Variants in SLC15A1 observed in about 807,000 individuals in gnomAD.
The protein encoded by SLC15A1 is solute carrier family 15 member 1, also known as Caco-2 oligopeptide transporter.
A neutral mutation model predicts 92.9 loss-of-function variants in SLC15A1; 83 were observed. That is an observed-to-expected ratio of 0.89 (90% CI 0.75 to 1.07). SLC15A1 has a LOEUF of 1.07. Among genes scored for constraint, SLC15A1 ranks in the 50% least tolerant of loss-of-function variants. The pLI is 0.00. For synonymous variants in SLC15A1, 322 were observed against 318.2 expected (o/e 1.01, Z -0.13); for missense variants, 857 against 880.1 (o/e 0.97, Z 0.33).
intron 18 of SLC15A1, among the ~76,000 whole-genome samples, chr13:98,701,247 C>T (rs1415959245): frequency 2.0e-5 from 3 of 152,120 alleles, no homozygotes; most frequent in Non-Finnish European, 4.4e-5. Flanking sequence ...AAATCCTGCA[C>T]ATTTTGTTAG....
chr13:98,722,472 A>T (rs2088268413), intron 5 of SLC15A1, among the ~76,000 whole-genome samples: 1 of 75,040 alleles, frequency 1.3e-5, no homozygotes, highest in Non-Finnish European at 2.4e-5. Context: ...TAAGTATTTT[A>T]ACTCCTGAGT....
intron 1 of SLC15A1, among the ~76,000 whole-genome samples, chr13:98,750,864 G>C (rs1188606032): frequency 6.6e-6 from 1 of 150,858 alleles, no homozygotes; most frequent in Non-Finnish European, 1.5e-5. Flanking sequence ...CAATTCTCCT[G>C]CCTCAGCCTT....
chr13:98,705,246 A>G (rs986567688), intron 16 of SLC15A1, among the ~76,000 whole-genome samples: 11 of 149,266 alleles, frequency 7.4e-5, no homozygotes, highest in African/African-American at 2.5e-4. Flanking sequence ...GGACCCAGGT[A>G]TCAAAATTTT....
Position 98,702,535 on chromosome 13 carries a change from A to G in SLC15A1, c.1417-6T>C, listed in dbSNP as rs751329916. ...TGGTTAAGACCATCCTTTACCTGAG[A>G]GAGAAAACAGTAATGTAAAAATATT... On this transcript the variant is annotated splice_region_variant and splice_polypyrimidine_tract_variant and intron_variant, in intron 17 of 22. Transcript: ENST00000376503. The G allele has an allele frequency of 2.5e-6, 4 of 1,593,658 alleles. No individual in the cohort carries two copies. The East Asian group carries it at 6.7e-5, about 27-fold the overall frequency.
At chr13:98,711,822 TGAA>T (rs781734232) in intron 11 of SLC15A1, 29 bp downstream of exon 11, 5 of 1,539,806 alleles carry the variant, frequency 3.2e-6, no homozygotes, top group South Asian at 1.1e-5. Context: ...GCTTGCTCCG[TGAA>T]GAAGAGCACA....
At chr13:98,712,394 G>A in intron 10 of SLC15A1, 104 bp downstream of exon 10, 2 of 854,582 alleles carry the variant, frequency 2.3e-6, no homozygotes, top group Admixed American at 2.0e-5. Context: ...GGTTAGGAAG[G>A]TATCACTGAC....
At chr13:98,733,007 A>G (rs2088362633) in intron 1 of SLC15A1, among the ~76,000 whole-genome samples, 1 of 152,206 alleles carries the variant, frequency 6.6e-6, no homozygotes, top group Non-Finnish European at 1.5e-5. Flanking sequence ...CAGACCCAAT[A>G]TAATCACAAG....
chr13:98,726,780 G>T, intron 2 of SLC15A1, 63 bp downstream of exon 2: 1 of 1,495,140 alleles, frequency 6.7e-7, no homozygotes. Context: ...GAACCCTTAG[G>T]GGTAAAACAG....
intron 18 of SLC15A1, among the ~76,000 whole-genome samples, chr13:98,690,948 G>T (rs1453287348): frequency 6.6e-6 from 1 of 152,132 alleles, no homozygotes; most frequent in African/African-American, 2.4e-5. Flanking sequence ...GATGTCAATG[G>T]AATCATTCTA....
At chr13:98,715,727 T>C (rs1312288105) in intron 9 of SLC15A1, 151 bp downstream of exon 9, 5 of 628,654 alleles carry the variant, frequency 8.0e-6, no homozygotes, top group Non-Finnish European at 1.4e-5. Flanking sequence ...TTGTGTCTTT[T>C]TGCATTTAGA....
At chr13:98,716,001 C>A in intron 8 of SLC15A1, 41 bp from the exon 9 acceptor site, 1 of 1,551,904 alleles carries the variant, frequency 6.4e-7, no homozygotes, top group Non-Finnish European at 8.9e-7. Context: ...AAGCATGTGA[C>A]CGAGCGCCCT....
At chr13:98,687,274 G>C (rs1401134504) in intron 21 of SLC15A1, among the ~76,000 whole-genome samples, 5 of 152,152 alleles carry the variant, frequency 3.3e-5, no homozygotes, top group Non-Finnish European at 7.3e-5. Flanking sequence ...TCAGAAAGGA[G>C]AATCTGCTGA....
At chr13:98,742,760 C>G (rs1482021963) in intron 1 of SLC15A1, among the ~76,000 whole-genome samples, 1 of 152,162 alleles carries the variant, frequency 6.6e-6, no homozygotes, top group African/African-American at 2.4e-5. Flanking sequence ...CAAATCTCCT[C>G]TTTTTACTCA....
At position 98,701,134 on chromosome 13, in the gene SLC15A1, C is replaced by T. The variant is rs9517411; in HGVS notation, c.1466+1346G>A. ...AGGTCAGCTTGGGGAAAAATGACATCTTTACTATATTAAATCTTCTGATCA... is the reference window on the plus strand; with the variant it reads ...AGGTCAGCTTGGGGAAAAATGACATTTTTACTATATTAAATCTTCTGATCA... On this transcript the variant is annotated intron_variant, in intron 18 of 22. Transcript: ENST00000376503. Among the ~76,000 whole-genome samples, 874 of 152,268 alleles carry T rather than the reference C, an allele frequency of 5.7e-3. 6 individuals carry two copies. Among genetic ancestry groups the T allele is most frequent in the Non-Finnish European group, 9.4e-3 (639 of 68,014 alleles).
intron 1 of SLC15A1, among the ~76,000 whole-genome samples, chr13:98,733,931 C>T (rs1269213191): frequency 6.6e-6 from 1 of 152,176 alleles, no homozygotes; most frequent in African/African-American, 2.4e-5. Flanking sequence ...CTGTCCTCAC[C>T]ACAGTGAGTG....
At chr13:98,709,030 C>A (rs2088138827) in intron 14 of SLC15A1, among the ~76,000 whole-genome samples, 1 of 148,128 alleles carries the variant, frequency 6.8e-6, no homozygotes, top group Non-Finnish European at 1.5e-5. Context: ...TGCAGTGGCA[C>A]AATCTCAGCT....
At chr13:98,752,194 A>T (rs2088552089) in intron 1 of SLC15A1, among the ~76,000 whole-genome samples, 1 of 152,228 alleles carries the variant, frequency 6.6e-6, no homozygotes, top group African/African-American at 2.4e-5. Flanking sequence ...CGCCAGCCAG[A>T]GGCAAGACAA....
At chr13:98,732,296 G>C (rs1029301407) in intron 1 of SLC15A1, among the ~76,000 whole-genome samples, 1 of 152,110 alleles carries the variant, frequency 6.6e-6, no homozygotes, top group African/African-American at 2.4e-5. Flanking sequence ...CTTAGAATCT[G>C]GACTTCCCAT....
rs146304164 is a variant in SLC15A1, at chr13:98,706,157, C to G, written c.1246G>C (p.Val416Leu). ...TMNISLPGEM[V>L]TLGPMSQTNA... Reference sequence around the variant, plus strand: ...ACTTGAGACATTGGGCCAAGTGTCACCATCTCTCCAGGAAGAGATATATTC... The same window carrying G: ...ACTTGAGACATTGGGCCAAGTGTCAGCATCTCTCCAGGAAGAGATATATTC... The change falls in exon 16 of 23, where the codon GTG becomes CTG. Residue 416 changes from valine (V) to leucine (L), a missense_variant. Val to Leu is a conservative substitution (Grantham distance 32). Transcript: ENST00000376503. The G allele has an allele frequency of 5.5e-4, 894 of 1,611,760 alleles. No homozygotes were observed. Among genetic ancestry groups the G allele is most frequent in the Non-Finnish European group, 6.9e-4 (814 of 1,179,412 alleles).
Sources: allele counts gnomAD v4.1 joint callset (sites outside exome capture counted in the v4.1 genomes callset), GRCh38; gene constraint gnomAD v4.1.1; transcripts MANE v1.5; gene names NCBI Gene and HGNC (gene_info 2026-07-23, HGNC 2026-07-21).